CPNE2: variants seen among roughly 807,000 people sequenced by gnomAD.
CPNE2 encodes copine 2, also known as copine-2.
In CPNE2, 42 loss-of-function variants were observed where a neutral mutation model predicts 69.7. The ratio of observed to expected loss-of-function variants is 0.60; its 90% CI spans 0.47 to 0.78. The LOEUF (loss-of-function observed/expected upper bound fraction) is 0.78, where lower values mean the gene tolerates loss of function less well. CPNE2 is among the 30% of genes least tolerant of loss of function. The probability of loss-of-function intolerance (pLI) is 0.00; values close to 1 mark genes in which losing one functional copy is unlikely to be tolerated. For synonymous variants in CPNE2, 294 were observed against 289.8 expected (o/e 1.01, Z -0.15); for missense variants, 587 against 732.0 (o/e 0.80, Z 2.29).
chr16:57,112,905 A>G (rs1279149880), intron 2 of CPNE2: 1 of 172,020 alleles, frequency 5.8e-6, no homozygotes, highest in Non-Finnish European at 1.2e-5. Context: ...CTTTCCCTTT[A>G]CAGAGGTGGA....
chr16:57,143,414 C>T (rs547339856), intron 14 of CPNE2: 1 of 152,460 alleles, frequency 6.6e-6, no homozygotes, highest in Admixed American at 6.5e-5. Context: ...GGCCCTCAGA[C>T]ACTGGCATGC....
At chr16:57,132,587 A>G (rs926380436) in intron 12 of CPNE2, among the ~76,000 whole-genome samples, 16 of 152,196 alleles carry the variant, frequency 1.1e-4, no homozygotes, top group African/African-American at 3.6e-4. Flanking sequence ...GGCTGTCAGA[A>G]GGCAATAGGG....
intron 9 of CPNE2, among the ~76,000 whole-genome samples, chr16:57,123,123 G>T (rs2216758): frequency 0.59 from 89,696 of 151,874 alleles, 26,620 homozygotes; most frequent in Admixed American, 0.68. Flanking sequence ...GACAAATTGA[G>T]ACACTCTGTG....
chr16:57,131,476 A>G (rs1170841585), intron 12 of CPNE2, among the ~76,000 whole-genome samples: 1 of 152,232 alleles, frequency 6.6e-6, no homozygotes, highest in African/African-American at 2.4e-5. Context: ...TTCGGGGGGC[A>G]GGGCGAGCTG....
At chr16:57,113,164 G>A (rs1282511752) in intron 2 of CPNE2, 124 bp from the exon 3 acceptor site, 6 of 874,132 alleles carry the variant, frequency 6.9e-6, no homozygotes, top group East Asian at 2.5e-5. Flanking sequence ...AGTCACTGAC[G>A]ATGACCACAA....
intron 14 of CPNE2, 135 bp from the exon 15 acceptor site, chr16:57,145,950 T>C (rs958828982): frequency 1.4e-6 from 1 of 720,926 alleles, no homozygotes; most frequent in East Asian, 2.7e-5. Context: ...TAGTGAGTTG[T>C]CTGGGACTTG....
chr16:57,143,457 CCT>C (rs2069936680), intron 14 of CPNE2: 1 of 152,350 alleles, frequency 6.6e-6, no homozygotes, highest in Admixed American at 6.5e-5. Context: ...CTGCCAGGCC[CCT>C]CTGTTGGAGA....
In CPNE2 at chr16:57,139,577, C is replaced by T. The variant is rs2145281232; in HGVS notation, c.1302+2295C>T. On this transcript the variant is annotated intron_variant, in intron 14 of 15. Transcript: ENST00000290776. ...GTCAAACCGTGAACTGAATCCCTTCCCAAAGTTAGTTTGGCCTACACCCAG... is the reference window on the plus strand; with the variant it reads ...GTCAAACCGTGAACTGAATCCCTTCTCAAAGTTAGTTTGGCCTACACCCAG... Among the ~76,000 whole-genome samples, 3 of 152,292 alleles carry T rather than the reference C, an allele frequency of 2.0e-5. No homozygotes were observed. In the South Asian group the frequency reaches 6.2e-4, roughly 32 times the overall value.
intron 8 of CPNE2, 47 bp downstream of exon 8, chr16:57,121,238 G>C: frequency 6.5e-7 from 1 of 1,550,104 alleles, no homozygotes; most frequent in South Asian, 1.1e-5. Flanking sequence ...AGCAGGGCTG[G>C]GGGAAGGGGC....
Position 57,126,995 on chromosome 16 carries a change from C to T in CPNE2, c.1062-854C>T, listed in dbSNP as rs183715091. ...CTGGCCCCCAGCTGTGTGTCCCCTC[C>T]ACGGCAGCCAAAGGGATCCTTAGTA... On this transcript the variant is annotated intron_variant, in intron 11 of 15. Transcript: ENST00000290776. Among the ~76,000 whole-genome samples, 40 of 152,306 alleles carry T rather than the reference C, an allele frequency of 2.6e-4. No homozygotes were observed. In the East Asian group the frequency reaches 7.3e-3, roughly 28 times the overall value.
In CPNE2 at chr16:57,133,978, C is replaced by T. The variant is rs566127772; in HGVS notation, c.1117-797C>T. Reference sequence around the variant, plus strand: ...GAAGAAAGGAGGGACTGTCCCCCATCTGAGCTCTGCAGCGTCTCCCGAGGC... The same window carrying T: ...GAAGAAAGGAGGGACTGTCCCCCATTTGAGCTCTGCAGCGTCTCCCGAGGC... On this transcript the variant is annotated intron_variant, in intron 12 of 15. Coordinates refer to ENST00000290776, the MANE Select transcript of CPNE2 (RefSeq NM_152727.6). Among the ~76,000 whole-genome samples the T allele has an allele frequency of 2.0e-5, 3 of 152,320 alleles. No homozygotes were observed. The East Asian group carries it at 5.8e-4, about 29-fold the overall frequency.
chr16:57,093,362 T>C (rs779691965), intron 1 of CPNE2, among the ~76,000 whole-genome samples: 98 of 152,176 alleles, frequency 6.4e-4, no homozygotes, highest in South Asian at 4.2e-3. Flanking sequence ...GCGAAAAAGC[T>C]GTCTGGCACC....
rs1444740168 is a variant in CPNE2, at chr16:57,146,533, C to G, written c.1539+212C>G. On this transcript the variant is annotated intron_variant, in intron 15 of 15. Transcript: ENST00000290776. This position sits in a 1 kb window ranked among gnomAD's most constrained non-coding sequence, Gnocchi z 4.4. ...GTGATAGTGTGAGCACTTGCTTCCA[C>G]AAACTGATGGAACATGGAGCCGTGG... is the stretch of plus-strand genomic sequence containing the variant. The G allele has an allele frequency of 1.8e-6, 1 of 567,012 alleles. No individual in the cohort carries two copies. The highest frequency in any genetic ancestry group is 1.9e-5 in the African/African-American group (1 of 53,196). 35.1% of individuals were successfully genotyped at this position (567,012 alleles called of 1,614,324 possible).
At chr16:57,094,137 C>G (rs1389916520) in intron 1 of CPNE2, 3 of 454,248 alleles carry the variant, frequency 6.6e-6, no homozygotes, top group Non-Finnish European at 8.8e-6. Context: ...AAGGGGTCAC[C>G]CAGGCAGGTT....
At chr16:57,096,671 C>T (rs1462724960) in intron 1 of CPNE2, among the ~76,000 whole-genome samples, 1 of 149,872 alleles carries the variant, frequency 6.7e-6, no homozygotes, top group African/African-American at 2.5e-5. Context: ...TGTACTCCAA[C>T]CTCGGTGAAA....
At chr16:57,125,767 C>T in intron 10 of CPNE2, 93 bp from the exon 11 acceptor site, 1 of 1,511,268 alleles carries the variant, frequency 6.6e-7, no homozygotes, top group Non-Finnish European at 9.0e-7. Flanking sequence ...GAGTGGGCTT[C>T]CCATGTCCCA....
intron 1 of CPNE2, among the ~76,000 whole-genome samples, chr16:57,098,341 C>T (rs1313255901): frequency 1.3e-5 from 2 of 152,340 alleles, no homozygotes; most frequent in Middle Eastern, 3.4e-3. Context: ...GCCGTAGCCT[C>T]GGTGCAGAAA....
At chr16:57,123,225 C>G (rs2069775607) in intron 9 of CPNE2, 189 bp from the exon 10 acceptor site, 1 of 623,788 alleles carries the variant, frequency 1.6e-6, no homozygotes, top group Non-Finnish European at 2.9e-6. Flanking sequence ...GAGTCCCCCA[C>G]CCATTAGGAA....
chr16:57,147,964 T>C lies in CPNE2; in HGVS notation c.*306T>C, dbSNP rs112292710. 0.037 allele frequency: 9,871 copies of C among 263,778 alleles called. 235 individuals are homozygous for C. Among genetic ancestry groups the C allele is most frequent in the Middle Eastern group, 0.09 (79 of 882 alleles). The allele number at this position is 263,778 out of a possible 1,614,324, so 16.3% of individuals were successfully genotyped here. A position where few individuals can be genotyped will look rare whatever the true frequency, so the allele number is the denominator to read the frequency against. ...ATTGAGAATAAAATTTTTACAATCA[T>C]AACTGGCTTTTTCCAAGTAACTAGC... On this transcript the variant is annotated 3_prime_UTR_variant, in exon 16 of 16. Transcript: ENST00000290776.
Sources: gnomAD v4.1 joint callset for allele counts (sites outside exome capture counted in the v4.1 genomes callset) on GRCh38, gnomAD v4.1.1 for gene constraint, Gnocchi (gnomAD v3.1) non-coding constraint, MANE v1.5 for transcripts, NCBI Gene and HGNC (gene_info 2026-07-23, HGNC 2026-07-21) for gene names.